NALF1: variants seen among roughly 807,000 people sequenced by gnomAD.
The protein encoded by NALF1 is family with sequence similarity 155 member A.
Under a neutral mutation model 48.4 loss-of-function variants are expected in NALF1, and 3 were observed. The ratio of observed to expected loss-of-function variants is 0.06; its 90% CI spans 0.03 to 0.16. The LOEUF is 0.16. Among genes scored for constraint, NALF1 ranks in the 10% least tolerant of loss-of-function variants. The pLI is 1.00. For synonymous variants in NALF1, 262 were observed against 245.7 expected (o/e 1.07, Z -0.62); for missense variants, 526 against 571.5 (o/e 0.92, Z 0.81).
At chr13:107,473,161 TC>T (rs1885127472) in intron 1 of NALF1, among the ~76,000 whole-genome samples, 1 of 152,344 alleles carries the variant, frequency 6.6e-6, no homozygotes, top group South Asian at 2.1e-4. Flanking sequence ...TACCAATGCT[TC>T]CCTTGTGTAC....
chr13:107,581,121 G>C (rs1394371921), intron 1 of NALF1, among the ~76,000 whole-genome samples: 1 of 152,152 alleles, frequency 6.6e-6, no homozygotes, highest in Non-Finnish European at 1.5e-5. Flanking sequence ...CTCCTGTTTT[G>C]TTCACGTTGT....
At chr13:107,353,715 A>G (rs916879546) in intron 1 of NALF1, among the ~76,000 whole-genome samples, 1 of 152,234 alleles carries the variant, frequency 6.6e-6, no homozygotes, top group Non-Finnish European at 1.5e-5. Flanking sequence ...GTTTTAAGTC[A>G]CAAACTTTGT....
rs550838116 is a variant in NALF1, at chr13:107,206,654, T to C, written c.1087+3930A>G. Among the ~76,000 whole-genome samples, 5 of 152,252 alleles carry C rather than the reference T, an allele frequency of 3.3e-5. No individual in the cohort carries two copies. The South Asian group carries it at 1.0e-3, about 32-fold the overall frequency. On this transcript the variant is annotated intron_variant, in intron 2 of 2. Transcript: ENST00000375915. ...AATAGGAATCCTAGGTATCAGTATA[T>C]AGCCAATAGGACAATGACAGGAAGA...
At chr13:107,863,036 A>G (rs1880617581) in intron 1 of NALF1, among the ~76,000 whole-genome samples, 1 of 151,042 alleles carries the variant, frequency 6.6e-6, no homozygotes, top group Non-Finnish European at 1.5e-5. Context: ...ATATTTATAA[A>G]TTATAAATTA....
intron 1 of NALF1, among the ~76,000 whole-genome samples, chr13:107,605,303 C>T (rs2138427612): frequency 6.6e-6 from 1 of 152,280 alleles, no homozygotes; most frequent in East Asian, 1.9e-4. Context: ...TATTACTGTT[C>T]ATGGCATTAA....
At chr13:107,307,348 G>A (rs1881955753) in intron 1 of NALF1, among the ~76,000 whole-genome samples, 1 of 152,126 alleles carries the variant, frequency 6.6e-6, no homozygotes. Context: ...GAAAGTTATA[G>A]TTTAATTGAC....
At chr13:107,321,072 C>T (rs1175097191) in intron 1 of NALF1, 2 of 151,952 alleles carry the variant, frequency 1.3e-5, no homozygotes, top group South Asian at 2.1e-4. Context: ...TTATTGCACA[C>T]TGAATTTTAA....
At chr13:107,718,034 T>C (rs1359959107) in intron 1 of NALF1, among the ~76,000 whole-genome samples, 1 of 152,182 alleles carries the variant, frequency 6.6e-6, no homozygotes, top group East Asian at 1.9e-4. Context: ...TGGCTTTTGG[T>C]TCCTACATTC....
At chr13:107,775,454 A>C (rs1312560935) in intron 1 of NALF1, among the ~76,000 whole-genome samples, 1 of 151,588 alleles carries the variant, frequency 6.6e-6, no homozygotes, top group Non-Finnish European at 1.5e-5. Context: ...CCAGTCTATC[A>C]TTGTTGGACA....
At chr13:107,816,436 G>C (rs1469857272) in intron 1 of NALF1, among the ~76,000 whole-genome samples, 1 of 152,100 alleles carries the variant, frequency 6.6e-6, no homozygotes, top group African/African-American at 2.4e-5. Context: ...GAGAGAGAAT[G>C]AGGAAAAAGC....
chr13:107,198,873 A>G (rs1192748872), intron 2 of NALF1, among the ~76,000 whole-genome samples: 1 of 152,148 alleles, frequency 6.6e-6, no homozygotes, highest in East Asian at 1.9e-4. Context: ...ATGTGTCTAT[A>G]TCCAAATTTC....
Position 107,170,381 on chromosome 13 carries a change from A to C in NALF1, c.*116T>G. The C allele has an allele frequency of 3.9e-5, 37 of 947,262 alleles. No homozygotes were observed. The highest frequency in any genetic ancestry group is 5.3e-5 in the Non-Finnish European group (34 of 638,580). The allele number at this position is 947,262 out of a possible 1,614,324, so 58.7% of individuals were successfully genotyped here. A position where few individuals can be genotyped will look rare whatever the true frequency, so the allele number is the denominator to read the frequency against. The stretch of plus-strand genomic sequence containing the variant: ...GGCCCATCTGTTTAAATTTTACCCT[A>C]AAGGCCTTGCAATAAGTAATTCGAG... On this transcript the variant is annotated 3_prime_UTR_variant, in exon 3 of 3. Transcript: ENST00000375915.
chr13:107,585,112 G>A (rs1011098033), intron 1 of NALF1, among the ~76,000 whole-genome samples: 2 of 152,042 alleles, frequency 1.3e-5, no homozygotes, highest in Non-Finnish European at 2.9e-5. Flanking sequence ...TCCTTTGAAC[G>A]AAAGAGATAT....
intron 2 of NALF1, among the ~76,000 whole-genome samples, chr13:107,201,164 CTATCATCT>C (rs1018659921): frequency 2.1e-5 from 3 of 144,554 alleles, no homozygotes; most frequent in African/African-American, 8.5e-5. Context: ...ATCTATCTAT[CTATCATCT>C]ATCTATCTAT....
At chr13:107,597,656 A>G (rs74112283) in intron 1 of NALF1, among the ~76,000 whole-genome samples, 2,182 of 152,248 alleles carry the variant, frequency 0.014, 58 homozygotes, top group African/African-American at 0.05. Context: ...AAAATAGTCA[A>G]TATTAGATAG....
chr13:107,280,443 C>A (rs1414326478), intron 1 of NALF1, among the ~76,000 whole-genome samples: 2 of 152,190 alleles, frequency 1.3e-5, no homozygotes, highest in African/African-American at 4.8e-5. Context: ...CTGTGATAAT[C>A]AGGTTTTCAT....
intron 1 of NALF1, among the ~76,000 whole-genome samples, chr13:107,297,197 C>G (rs1344179625): frequency 6.6e-6 from 1 of 152,098 alleles, no homozygotes. Flanking sequence ...ATCTCCTTCT[C>G]TCACTAAATG....
chr13:107,594,517 CTAAAG>C (rs1399968076), intron 1 of NALF1, among the ~76,000 whole-genome samples: 1 of 151,882 alleles, frequency 6.6e-6, no homozygotes, highest in Admixed American at 6.6e-5. Flanking sequence ...ATTTTTTCTG[CTAAAG>C]TAATCAGTGT....
chr13:107,309,850 G>A (rs554327576), intron 1 of NALF1, among the ~76,000 whole-genome samples: 23 of 152,248 alleles, frequency 1.5e-4, no homozygotes, highest in African/African-American at 5.3e-4. Context: ...TGGTAGTACT[G>A]AGTGTTTTCT....
Sources: allele counts gnomAD v4.1 joint callset (sites outside exome capture counted in the v4.1 genomes callset), GRCh38; gene constraint gnomAD v4.1.1; transcripts MANE v1.5; gene names NCBI Gene and HGNC (gene_info 2026-07-23, HGNC 2026-07-21).